SAMD5: variants seen among roughly 807,000 people sequenced by gnomAD.
SAMD5 encodes the protein sterile alpha motif domain-containing protein 5.
In SAMD5, 13 loss-of-function variants were observed where a neutral mutation model predicts 11.3. That is an observed-to-expected ratio of 1.15 (90% confidence interval 0.75 to 1.83). The LOEUF (loss-of-function observed/expected upper bound fraction) is 1.83. Ranked by LOEUF, SAMD5 falls within the 40% of genes most tolerant of loss-of-function variation. SAMD5 has a pLI of 0.00. For missense variants in SAMD5, 255 were observed against 239.1 expected, an observed-to-expected ratio of 1.07 and a Z score of -0.44; for synonymous variants, 129 against 111.3, an observed-to-expected ratio of 1.16 and a Z score of -1.00.
At chr6:147,579,465 T>A (rs1463860514) in intron 1 of SAMD5, among the ~76,000 whole-genome samples, 2 of 137,860 alleles carry the variant, frequency 1.5e-5, no homozygotes, top group African/African-American at 2.7e-5. Flanking sequence ...TTTTTTTTTT[T>A]TTTTTTTTTT....
chr6:147,772,165 G>A, the SAMD5 span, among the ~76,000 whole-genome samples: 2 of 152,044 alleles, frequency 1.3e-5, no homozygotes, highest in African/African-American at 4.8e-5. Context: ...AATTTGCATC[G>A]AAATGTCAAA....
chr6:147,924,215 C>G, the SAMD5 span, among the ~76,000 whole-genome samples: 1 of 152,116 alleles, frequency 6.6e-6, no homozygotes, highest in African/African-American at 2.4e-5. Flanking sequence ...TTAGGGCACT[C>G]ACTCTCACTA....
At chr6:147,540,805 G>A (rs1159548744) in intron 1 of SAMD5, among the ~76,000 whole-genome samples, 2 of 152,046 alleles carry the variant, frequency 1.3e-5, no homozygotes, top group East Asian at 1.9e-4. Context: ...TTGGCTGGTA[G>A]GAATTTCTTA....
chr6:147,775,745 C>T, the SAMD5 span, among the ~76,000 whole-genome samples: 8 of 152,252 alleles, frequency 5.3e-5, no homozygotes, highest in Non-Finnish European at 8.8e-5. Flanking sequence ...GGAAGAGAGG[C>T]AGCTGAGTGT....
At chr6:147,914,063 C>T in the SAMD5 span, among the ~76,000 whole-genome samples, 4 of 151,928 alleles carry the variant, frequency 2.6e-5, no homozygotes, top group Non-Finnish European at 4.4e-5. Flanking sequence ...GTCCAACCTG[C>T]GACCCACAGG....
At chr6:147,768,878 C>T in the SAMD5 span, among the ~76,000 whole-genome samples, 7 of 152,164 alleles carry the variant, frequency 4.6e-5, no homozygotes, top group African/African-American at 1.7e-4. Flanking sequence ...ACTGCAACCT[C>T]CGCCTCCCAG....
intron 1 of SAMD5, among the ~76,000 whole-genome samples, chr6:147,679,806 CTT>C (rs143350409): frequency 7.2e-6 from 1 of 139,580 alleles, no homozygotes. Flanking sequence ...TGGATAAAAA[CTT>C]TTTTTTTTTT....
intron 1 of SAMD5, among the ~76,000 whole-genome samples, chr6:147,709,754 T>C (rs546908978): frequency 6.6e-6 from 1 of 152,352 alleles, no homozygotes; most frequent in African/African-American, 2.4e-5. Context: ...CAGAAGTTCC[T>C]GAGGCTGTTC....
chr6:147,704,052 T>A (rs2128458022), intron 1 of SAMD5, among the ~76,000 whole-genome samples: 1 of 152,202 alleles, frequency 6.6e-6, no homozygotes, highest in African/African-American at 2.4e-5. Context: ...CATGCCACCA[T>A]GCCCGGCTAA....
chr6:147,609,599 G>C (rs1197777275), intron 1 of SAMD5, among the ~76,000 whole-genome samples: 4 of 152,078 alleles, frequency 2.6e-5, no homozygotes, highest in Non-Finnish European at 5.9e-5. Flanking sequence ...GCACAGGCTG[G>C]AGTGCACTGG....
At chr6:147,673,949 CA>C (rs1211486695) in intron 1 of SAMD5, among the ~76,000 whole-genome samples, 1 of 152,054 alleles carries the variant, frequency 6.6e-6, no homozygotes, top group Non-Finnish European at 1.5e-5. Context: ...ATGTAGTGTA[CA>C]AGGCAATTTT....
intron 1 of SAMD5, among the ~76,000 whole-genome samples, chr6:147,602,505 A>G (rs1222467470): frequency 6.6e-6 from 1 of 152,198 alleles, no homozygotes; most frequent in East Asian, 1.9e-4. Context: ...GCACTTTGGG[A>G]GGCCAAGGTG....
the SAMD5 span, among the ~76,000 whole-genome samples, chr6:147,807,005 A>G: frequency 0.14 from 21,084 of 152,150 alleles, 1,635 homozygotes; most frequent in Middle Eastern, 0.19. Flanking sequence ...AAGAGTCCCC[A>G]CCAGAAACCA....
chr6:147,875,304 G>T, the SAMD5 span, among the ~76,000 whole-genome samples: 1 of 152,116 alleles, frequency 6.6e-6, no homozygotes, highest in African/African-American at 2.4e-5. Flanking sequence ...CAGAGTTCTA[G>T]TTACTGAAGA....
chr6:147,755,643 C>T, the SAMD5 span, among the ~76,000 whole-genome samples: 1 of 152,064 alleles, frequency 6.6e-6, no homozygotes, highest in Non-Finnish European at 1.5e-5. Flanking sequence ...CCAAGGCTTT[C>T]CCACTACTAA....
intron 1 of SAMD5, among the ~76,000 whole-genome samples, chr6:147,658,201 C>T (rs1012420818): frequency 6.6e-6 from 1 of 152,116 alleles, no homozygotes; most frequent in Non-Finnish European, 1.5e-5. Context: ...TGTCCCAGCC[C>T]AGTCCAGTGA....
At chr6:147,755,637 G>C in the SAMD5 span, among the ~76,000 whole-genome samples, 1 of 152,060 alleles carries the variant, frequency 6.6e-6, no homozygotes, top group African/African-American at 2.4e-5. Context: ...TTTAAGCCAA[G>C]GCTTTCCCAC....
chr6:147,813,900 T>C, the SAMD5 span, among the ~76,000 whole-genome samples: 3 of 152,238 alleles, frequency 2.0e-5, no homozygotes, highest in Admixed American at 6.5e-5. Flanking sequence ...CCTCTTTCTT[T>C]CTTTGTAAGA....
At chr6:147,862,503 C>G in the SAMD5 span, among the ~76,000 whole-genome samples, 1 of 152,182 alleles carries the variant, frequency 6.6e-6, no homozygotes, top group Non-Finnish European at 1.5e-5. Flanking sequence ...TCCACGCACC[C>G]CCTCTGCTCT....
Sources: allele counts gnomAD v4.1 joint callset (sites outside exome capture counted in the v4.1 genomes callset), GRCh38; gene constraint gnomAD v4.1.1; transcripts MANE v1.5; gene names NCBI Gene and HGNC (gene_info 2026-07-23, HGNC 2026-07-21).